Variants in LRRC8D observed in about 807,000 individuals in gnomAD.
LRRC8D encodes the protein volume-regulated anion channel subunit LRRC8D.
In LRRC8D, 20 loss-of-function variants were observed where a neutral mutation model predicts 55.8. The ratio of observed to expected loss-of-function variants is 0.36; its 90% CI spans 0.25 to 0.52. LRRC8D has a LOEUF of 0.52. LRRC8D is among the 20% of genes least tolerant of loss of function. The probability of loss-of-function intolerance (pLI) is 0.93; values close to 1 mark genes in which losing one functional copy is unlikely to be tolerated. For missense variants in LRRC8D, 651 were observed against 1,030.8 expected, an observed-to-expected ratio of 0.63 and a Z score of 5.05; for synonymous variants, 352 against 377.0, an observed-to-expected ratio of 0.93 and a Z score of 0.77.
intron 2 of LRRC8D, among the ~76,000 whole-genome samples, chr1:89,902,902 C>A (rs187988796): frequency 3.9e-5 from 6 of 152,234 alleles, no homozygotes; most frequent in Admixed American, 3.9e-4. Flanking sequence ...TGTAATAATC[C>A]CCATTTCTTT....
At chr1:89,869,150 G>T (rs1342205886) in intron 2 of LRRC8D, among the ~76,000 whole-genome samples, 2 of 152,014 alleles carry the variant, frequency 1.3e-5, no homozygotes, top group Non-Finnish European at 2.9e-5. Context: ...CAGGTGATCC[G>T]CCTACCTCGA....
At chr1:89,840,948 C>T (rs920818915) in intron 1 of LRRC8D, among the ~76,000 whole-genome samples, 4 of 152,158 alleles carry the variant, frequency 2.6e-5, no homozygotes, top group African/African-American at 9.7e-5. Flanking sequence ...TCCTTAAAAA[C>T]ATGGTAATAA....
intron 2 of LRRC8D, among the ~76,000 whole-genome samples, chr1:89,855,730 C>T (rs969452387): frequency 6.6e-6 from 1 of 152,142 alleles, no homozygotes; most frequent in African/African-American, 2.4e-5. Flanking sequence ...ATATACTCTT[C>T]AAAGTGAAAA....
chr1:89,875,960 T>C (rs1265542642), intron 2 of LRRC8D, among the ~76,000 whole-genome samples: 2 of 152,200 alleles, frequency 1.3e-5, no homozygotes, highest in Non-Finnish European at 2.9e-5. Context: ...CCTCTTGCTT[T>C]CAGGAACACC....
At chr1:89,885,864 T>C (rs1662405392) in intron 2 of LRRC8D, among the ~76,000 whole-genome samples, 1 of 152,208 alleles carries the variant, frequency 6.6e-6, no homozygotes, top group Non-Finnish European at 1.5e-5. Context: ...AAGGAGTCAT[T>C]TTAAGTTCAC....
Position 89,869,259 on chromosome 1 carries a change from G to A in LRRC8D, c.-3+25477G>A, listed in dbSNP as rs145615163. 9.2e-5 allele frequency among the ~76,000 whole-genome samples: 14 copies of A among 152,254 alleles called. No individual in the cohort carries two copies. In the East Asian group the frequency reaches 2.3e-3, roughly 25 times the overall value. On this transcript the variant is annotated intron_variant, in intron 2 of 2. Coordinates refer to ENST00000337338, the MANE Select transcript of LRRC8D (RefSeq NM_001134479.2). ...TGTGATTGCTACCTTGGCCTGTGCT[G>A]ACTAGAATAACCAGTTTAGAGAAGA...
At chr1:89,917,087 TAAG>T (rs753882948) in intron 2 of LRRC8D, among the ~76,000 whole-genome samples, 14 of 152,210 alleles carry the variant, frequency 9.2e-5, no homozygotes, top group African/African-American at 1.9e-4. Context: ...ACTACCAACT[TAAG>T]AACTGAATTT....
intron 2 of LRRC8D, among the ~76,000 whole-genome samples, chr1:89,907,548 G>A (rs572283096): frequency 1.6e-4 from 24 of 152,190 alleles, no homozygotes; most frequent in African/African-American, 5.8e-4. Flanking sequence ...GAATCACACT[G>A]TCTATTGAGA....
At chr1:89,867,504 T>C (rs1661881481) in intron 2 of LRRC8D, among the ~76,000 whole-genome samples, 1 of 152,268 alleles carries the variant, frequency 6.6e-6, no homozygotes, top group Non-Finnish European at 1.5e-5. Context: ...ACATTTTATT[T>C]ACCCATTCTC....
chr1:89,935,340 C>T lies in LRRC8D; in HGVS notation c.2272C>T (p.His758Tyr), dbSNP rs1346878352. The T allele has an allele frequency of 6.2e-7, 1 of 1,614,218 alleles. No homozygotes were observed. Among genetic ancestry groups the T allele is most frequent in the Non-Finnish European group, 8.5e-7 (1 of 1,180,024 alleles). Residue 758 changes from histidine (H) to tyrosine (Y), a missense_variant, in exon 3 of 3, where the codon CAT (histidine) becomes TAT (tyrosine). Coordinates refer to ENST00000337338, the MANE Select transcript of LRRC8D (RefSeq NM_001134479.2). Reference sequence around the variant, plus strand: ...ATTGCTTCAGAACCTGCAGCATTTGCATATCACTGGGAACAAAGTGGACAT... The same window carrying T: ...ATTGCTTCAGAACCTGCAGCATTTGTATATCACTGGGAACAAAGTGGACAT... ...IGLLQNLQHL[H>Y]ITGNKVDILP...
At chr1:89,827,257 G>C (rs1007798931) in intron 1 of LRRC8D, among the ~76,000 whole-genome samples, 2 of 150,608 alleles carry the variant, frequency 1.3e-5, no homozygotes, top group Admixed American at 1.3e-4. Flanking sequence ...AGTTGAGGCA[G>C]GAGAATCACT....
At chr1:89,878,952 A>T (rs1218737708) in intron 2 of LRRC8D, among the ~76,000 whole-genome samples, 1 of 144,344 alleles carries the variant, frequency 6.9e-6, no homozygotes, top group Admixed American at 7.0e-5. Flanking sequence ...GGGCAACAAG[A>T]GCGAAAATCC....
chr1:89,847,634 AC>A (rs1173926614), intron 2 of LRRC8D, among the ~76,000 whole-genome samples: 1 of 152,116 alleles, frequency 6.6e-6, no homozygotes, highest in East Asian at 1.9e-4. Flanking sequence ...TTTTTTCAAA[AC>A]TTTTTTTCCC....
rs570068877 is a variant in LRRC8D at position 89,906,956 on chromosome 1, G to C, written c.-2-26111G>C. Among the ~76,000 whole-genome samples the C allele has an allele frequency of 2.4e-4, 36 of 152,090 alleles. No individual in the cohort carries two copies. In the South Asian group the frequency reaches 5.0e-3, roughly 21 times the overall value. On this transcript the variant is annotated intron_variant, in intron 2 of 2. Coordinates refer to ENST00000337338, the MANE Select transcript of LRRC8D (RefSeq NM_001134479.2). ...GCTCATGTAGAAAAGGAATAGGTCT[G>C]GGTGGAGGCCAAGAATCTGAATTTG...
chr1:89,896,881 T>C (rs1287753885), intron 2 of LRRC8D, among the ~76,000 whole-genome samples: 2 of 152,242 alleles, frequency 1.3e-5, no homozygotes, highest in Non-Finnish European at 2.9e-5. Flanking sequence ...TACTACTTGT[T>C]GGATGCCTAT....
intron 2 of LRRC8D, among the ~76,000 whole-genome samples, chr1:89,868,091 A>G (rs982627378): frequency 6.6e-6 from 1 of 152,226 alleles, no homozygotes; most frequent in Non-Finnish European, 1.5e-5. Context: ...AGATGGGCCA[A>G]TGTAAGCCAT....
intron 1 of LRRC8D, among the ~76,000 whole-genome samples, chr1:89,822,415 C>T (rs1293180351): frequency 6.6e-6 from 1 of 152,200 alleles, no homozygotes; most frequent in Non-Finnish European, 1.5e-5. Flanking sequence ...TCCTCGTTGC[C>T]TCGCAGATTT....
intron 2 of LRRC8D, among the ~76,000 whole-genome samples, chr1:89,904,951 T>C (rs1662953333): frequency 7.0e-6 from 1 of 141,938 alleles, no homozygotes; most frequent in South Asian, 2.3e-4. Context: ...TATGCACAGC[T>C]GATTTTTTAG....
chr1:89,865,192 G>C (rs2100806200), intron 2 of LRRC8D, among the ~76,000 whole-genome samples: 1 of 152,180 alleles, frequency 6.6e-6, no homozygotes, highest in East Asian at 1.9e-4. Flanking sequence ...ATGTGGTCCA[G>C]ATCATTCCCT....
Sources: gnomAD v4.1 joint callset for allele counts (sites outside exome capture counted in the v4.1 genomes callset) on GRCh38, gnomAD v4.1.1 for gene constraint, MANE v1.5 for transcripts, NCBI Gene and HGNC (gene_info 2026-07-23, HGNC 2026-07-21) for gene names.